Variants in CDH13 observed in about 807,000 individuals in gnomAD.
CDH13 encodes the protein cadherin 13.
In CDH13, 24 loss-of-function variants were observed where a neutral mutation model predicts 63.8. The ratio of observed to expected loss-of-function variants is 0.38; its 90% CI spans 0.27 to 0.53. The LOEUF (loss-of-function observed/expected upper bound fraction) is 0.53, where lower values mean the gene tolerates loss of function less well. CDH13 is among the 20% of genes least tolerant of loss of function. CDH13 has a pLI of 0.85. For missense variants in CDH13, 1,049 were observed against 903.1 expected (o/e 1.16, Z -2.07); for synonymous variants, 503 against 355.3 (o/e 1.42, Z -4.67).
intron 7 of CDH13, among the ~76,000 whole-genome samples, chr16:83,536,402 A>G (rs2075189619): frequency 6.6e-6 from 1 of 152,140 alleles, no homozygotes; most frequent in Non-Finnish European, 1.5e-5. Flanking sequence ...GGGGTGAATC[A>G]AGAGGATGAG....
Position 82,798,393 on chromosome 16 carries a change from C to T in CDH13, c.46-59969C>T, listed in dbSNP as rs188112248. Among the ~76,000 whole-genome samples the T allele has an allele frequency of 6.6e-3, 1,011 of 152,202 alleles. 6 individuals carry two copies. The highest frequency in any genetic ancestry group is 0.031 in the Middle Eastern group (9 of 294). ...ACCAGATGAAAGCTTTCTTTTTTCC[C>T]CTAGACTGTTTCTTAAATTTGTAGT... On this transcript the variant is annotated intron_variant, in intron 1 of 13. Transcript: ENST00000567109.
intron 7 of CDH13, 139 bp downstream of exon 7, chr16:83,486,794 G>A (rs2073900635): frequency 1.3e-6 from 1 of 756,738 alleles, no homozygotes. Flanking sequence ...TTTTGGTGGG[G>A]AAAATCTATA....
intron 8 of CDH13, among the ~76,000 whole-genome samples, chr16:83,619,948 C>A (rs909135376): frequency 1.3e-5 from 2 of 152,082 alleles, no homozygotes; most frequent in East Asian, 3.9e-4. Flanking sequence ...GCAGGAGGAA[C>A]TGAAAGCCAC....
intron 8 of CDH13, among the ~76,000 whole-genome samples, chr16:83,619,802 G>T (rs1909639799): frequency 1.3e-5 from 2 of 152,252 alleles, no homozygotes; most frequent in African/African-American, 4.8e-5. Flanking sequence ...TAAGGTTACA[G>T]TCTGAGGTCC....
chr16:82,998,470 C>T (rs954635741), intron 2 of CDH13, among the ~76,000 whole-genome samples: 1 of 152,076 alleles, frequency 6.6e-6, no homozygotes, highest in African/African-American at 2.4e-5. Flanking sequence ...AGCCTGTCCT[C>T]TTGGTGATAA....
intron 2 of CDH13, among the ~76,000 whole-genome samples, chr16:83,014,134 A>G (rs946607251): frequency 6.6e-6 from 1 of 152,120 alleles, no homozygotes; most frequent in Non-Finnish European, 1.5e-5. Flanking sequence ...AGATCAGGCA[A>G]TTCACACACA....
At chr16:83,021,435 C>G (rs1043974377) in intron 2 of CDH13, among the ~76,000 whole-genome samples, 3 of 152,206 alleles carry the variant, frequency 2.0e-5, no homozygotes, top group African/African-American at 4.8e-5. Flanking sequence ...AAGAGGAGAA[C>G]GTAAGACTGA....
chr16:83,130,533 C>T (rs1050385500), intron 4 of CDH13, among the ~76,000 whole-genome samples: 20 of 152,010 alleles, frequency 1.3e-4, no homozygotes, highest in Non-Finnish European at 1.5e-5. Context: ...ATCAATAGAT[C>T]GATATCTGAT....
intron 2 of CDH13, among the ~76,000 whole-genome samples, chr16:82,956,814 C>G (rs1906184091): frequency 6.6e-6 from 1 of 152,142 alleles, no homozygotes; most frequent in African/African-American, 2.4e-5. Flanking sequence ...CAGTGGATTT[C>G]TATTAATTAG....
At chr16:82,864,282 G>A (rs988034930) in intron 2 of CDH13, among the ~76,000 whole-genome samples, 1 of 152,162 alleles carries the variant, frequency 6.6e-6, no homozygotes, top group Admixed American at 6.6e-5. Flanking sequence ...AAAAGAGAGT[G>A]AGTGTTTCTA....
chr16:82,677,675 C>T (rs1365017607), intron 1 of CDH13, among the ~76,000 whole-genome samples: 6 of 152,144 alleles, frequency 3.9e-5, no homozygotes, highest in Non-Finnish European at 8.8e-5. Flanking sequence ...TCACAAAACA[C>T]AATACACTAT....
chr16:83,367,545 G>T (rs947587080), intron 6 of CDH13, among the ~76,000 whole-genome samples: 8 of 152,152 alleles, frequency 5.3e-5, no homozygotes, highest in East Asian at 1.9e-4. Flanking sequence ...AAGTGACTCT[G>T]TGTTAACCTT....
chr16:83,666,892 A>T (rs566127147), intron 8 of CDH13, among the ~76,000 whole-genome samples: 3 of 152,172 alleles, frequency 2.0e-5, no homozygotes, highest in African/African-American at 7.2e-5. Flanking sequence ...GACAATTAAC[A>T]CGTTGTTATA....
In CDH13 at chr16:83,774,035, C is replaced by A. The variant is rs118114405; in HGVS notation, c.1682-5933C>A. Among the ~76,000 whole-genome samples the A allele has an allele frequency of 2.0e-4, 30 of 152,302 alleles. No homozygotes were observed. The East Asian group carries it at 3.7e-3, about 19-fold the overall frequency. On this transcript the variant is annotated intron_variant, in intron 11 of 13. Coordinates refer to ENST00000567109, the MANE Select transcript of CDH13 (RefSeq NM_001257.5). Reference sequence around the variant, plus strand: ...AAACCTCCATCAGCACAGACTGTCCCCATGTGGAGCCCAGCCCCCTGCTGT... The same window carrying A: ...AAACCTCCATCAGCACAGACTGTCCACATGTGGAGCCCAGCCCCCTGCTGT...
At chr16:82,719,408 C>T (rs547286414) in intron 1 of CDH13, 1 of 456,024 alleles carries the variant, frequency 2.2e-6, no homozygotes, top group South Asian at 1.5e-5. Flanking sequence ...CTTCCACTGG[C>T]TGTCCAATGG....
At chr16:83,309,141 A>G (rs1162699826) in intron 5 of CDH13, among the ~76,000 whole-genome samples, 5 of 152,112 alleles carry the variant, frequency 3.3e-5, no homozygotes, top group African/African-American at 1.2e-4. Context: ...CTGCATGTAC[A>G]TGAGCCTCAT....
rs181868488 is a variant in CDH13, at chr16:83,164,863, C to T, written c.483+39362C>T. On this transcript the variant is annotated intron_variant, in intron 4 of 13. Transcript: ENST00000567109. Reference sequence around the variant, plus strand: ...TATATATGCATGCTGGCTAGTGTCACGCCCTCACAAAGTGGACATTATTAT... The same window carrying T: ...TATATATGCATGCTGGCTAGTGTCATGCCCTCACAAAGTGGACATTATTAT... 2.5e-4 allele frequency among the ~76,000 whole-genome samples: 38 copies of T among 149,452 alleles called. No individual in the cohort carries two copies. The South Asian group carries it at 5.7e-3, about 22-fold the overall frequency.
intron 9 of CDH13, among the ~76,000 whole-genome samples, chr16:83,674,132 G>A (rs1207575768): frequency 6.6e-6 from 1 of 152,152 alleles, no homozygotes; most frequent in Non-Finnish European, 1.5e-5. Context: ...CAACCATCAG[G>A]GATGCATTCT....
At chr16:82,819,880 A>G (rs2037918582) in intron 1 of CDH13, among the ~76,000 whole-genome samples, 1 of 152,190 alleles carries the variant, frequency 6.6e-6, no homozygotes, top group Non-Finnish European at 1.5e-5. Flanking sequence ...TTAGAAGGTG[A>G]TATATGCAAT....
Sources: gnomAD v4.1 joint callset for allele counts (sites outside exome capture counted in the v4.1 genomes callset) on GRCh38, gnomAD v4.1.1 for gene constraint, MANE v1.5 for transcripts, NCBI Gene and HGNC (gene_info 2026-07-23, HGNC 2026-07-21) for gene names.